Variants in ARK2C observed in about 807,000 individuals in gnomAD.
ARK2C encodes the protein arkadia (RNF111) C-terminal like ring finger ubiquitin ligase 2C.
the ARK2C span, among the ~76,000 whole-genome samples, chr18:46,429,818 G>A: frequency 6.6e-6 from 1 of 151,712 alleles, no homozygotes; most frequent in Admixed American, 6.6e-5. Context: ...TGTTGTCCAG[G>A]CTGGTCTTGA....
chr18:46,442,541 T>C, the ARK2C span, among the ~76,000 whole-genome samples: 10,954 of 152,268 alleles, frequency 0.072, 445 homozygotes, highest in African/African-American at 0.09. Context: ...AATCCTTTTA[T>C]ATTTATTGAG....
the ARK2C span, among the ~76,000 whole-genome samples, chr18:46,361,002 C>T: frequency 1.3e-5 from 2 of 152,246 alleles, no homozygotes; most frequent in Admixed American, 6.5e-5. Context: ...TGAAACATTA[C>T]CTTTTCTGCA....
the ARK2C span, among the ~76,000 whole-genome samples, chr18:46,453,393 G>A: frequency 6.6e-6 from 1 of 152,172 alleles, no homozygotes; most frequent in African/African-American, 2.4e-5. Context: ...GAGGATGCAC[G>A]CCTCACCTGC....
chr18:46,336,872 A>T, the ARK2C span: 1 of 985,286 alleles, frequency 1.0e-6, no homozygotes, highest in African/African-American at 1.7e-5. Flanking sequence ...AAAAAATGTT[A>T]AACATATGTA....
chr18:46,430,436 C>A, the ARK2C span, among the ~76,000 whole-genome samples: 2 of 152,166 alleles, frequency 1.3e-5, no homozygotes, highest in African/African-American at 4.8e-5. Flanking sequence ...AGATGTCTTT[C>A]GGGTGGGTTC....
At chr18:46,398,093 T>C in the ARK2C span, among the ~76,000 whole-genome samples, 1 of 146,286 alleles carries the variant, frequency 6.8e-6, no homozygotes, top group Admixed American at 6.8e-5. Context: ...TGAGGGTGTG[T>C]GCGCATGTGG....
At chr18:46,458,830 T>C in the ARK2C span, 217 of 152,372 alleles carry the variant, frequency 1.4e-3, no homozygotes, top group African/African-American at 5.0e-3. Flanking sequence ...ACACATCCAA[T>C]GCTGCAAAAA....
At chr18:46,381,732 G>T in the ARK2C span, among the ~76,000 whole-genome samples, 15 of 152,182 alleles carry the variant, frequency 9.9e-5, no homozygotes, top group Non-Finnish European at 1.3e-4. Flanking sequence ...ACTGGAGGTT[G>T]AGGTGGGAGG....
At chr18:46,450,844 A>G in the ARK2C span, 1 of 1,434,768 alleles carries the variant, frequency 7.0e-7, no homozygotes, top group Non-Finnish European at 9.8e-7. Flanking sequence ...GGAATGGGGC[A>G]GGGGGGTTGT....
At chr18:46,443,119 C>A in the ARK2C span, among the ~76,000 whole-genome samples, 1 of 152,182 alleles carries the variant, frequency 6.6e-6, no homozygotes, top group Admixed American at 6.5e-5. Flanking sequence ...AGACCATTTG[C>A]ATTTAATGCA....
the ARK2C span, among the ~76,000 whole-genome samples, chr18:46,355,170 C>G: frequency 6.6e-5 from 10 of 152,176 alleles, no homozygotes; most frequent in Admixed American, 4.6e-4. Flanking sequence ...CCAGGTTGGT[C>G]TGGAACTCCT....
the ARK2C span, among the ~76,000 whole-genome samples, chr18:46,352,325 T>G: frequency 1.3e-5 from 2 of 152,326 alleles, no homozygotes; most frequent in African/African-American, 4.8e-5. Flanking sequence ...AGCCTCAGTT[T>G]GCACTGGCTA....
chr18:46,434,408 T>C, the ARK2C span, among the ~76,000 whole-genome samples: 1 of 152,182 alleles, frequency 6.6e-6, no homozygotes, highest in Non-Finnish European at 1.5e-5. Flanking sequence ...TATATATAAA[T>C]TTAGTGAGAA....
the ARK2C span, among the ~76,000 whole-genome samples, chr18:46,449,096 C>T: frequency 6.6e-6 from 1 of 152,100 alleles, no homozygotes; most frequent in Non-Finnish European, 1.5e-5. Context: ...GTAAATTATC[C>T]CATTAATCCT....
chr18:46,450,221 G>A, the ARK2C span: 3 of 902,798 alleles, frequency 3.3e-6, no homozygotes, highest in Admixed American at 1.7e-5. Flanking sequence ...TGGGTTACAG[G>A]TGGAGAAGTT....
the ARK2C span, among the ~76,000 whole-genome samples, chr18:46,404,782 A>T: frequency 1.3e-5 from 2 of 151,386 alleles, no homozygotes; most frequent in African/African-American, 4.9e-5. Flanking sequence ...ACACACACAC[A>T]CACATACACA....
At chr18:46,348,251 AG>A in the ARK2C span, among the ~76,000 whole-genome samples, 1 of 151,108 alleles carries the variant, frequency 6.6e-6, no homozygotes, top group African/African-American at 2.4e-5. Context: ...GGGGAGGGGA[AG>A]GGCAGGCTGA....
At chr18:46,404,975 G>T in the ARK2C span, among the ~76,000 whole-genome samples, 5,905 of 152,210 alleles carry the variant, frequency 0.039, 104 homozygotes, top group African/African-American at 0.046. Context: ...GCTCCGTTTG[G>T]CTCCAAAGTC....
At chr18:46,369,032 C>T in the ARK2C span, among the ~76,000 whole-genome samples, 1 of 152,212 alleles carries the variant, frequency 6.6e-6, no homozygotes, top group Non-Finnish European at 1.5e-5. Context: ...AAGTGTTACT[C>T]TACAGAGATT....
Sources: allele counts gnomAD v4.1 joint callset (sites outside exome capture counted in the v4.1 genomes callset), GRCh38; gene constraint gnomAD v4.1.1; transcripts MANE v1.5; gene names NCBI Gene and HGNC (gene_info 2026-07-23, HGNC 2026-07-21).